GDAP2: variants seen among roughly 807,000 people sequenced by gnomAD.
The protein encoded by GDAP2 is ganglioside-induced differentiation-associated protein 2.
Under a neutral mutation model 67.0 loss-of-function variants are expected in GDAP2, and 51 were observed. That is an observed-to-expected ratio of 0.76 (90% CI 0.61 to 0.96). GDAP2 has a LOEUF of 0.96. GDAP2 is among the 40% of genes least tolerant of loss of function. GDAP2 has a pLI of 0.00. For missense variants in GDAP2, 547 were observed against 588.3 expected (o/e 0.93, Z 0.73); for synonymous variants, 203 against 207.3 (o/e 0.98, Z 0.18).
chr1:117,918,958 T>G (rs1017573748), intron 2 of GDAP2, among the ~76,000 whole-genome samples: 3 of 152,144 alleles, frequency 2.0e-5, no homozygotes, highest in African/African-American at 7.2e-5. Context: ...AAAACCACCA[T>G]GTTTAGAAAT....
chr1:117,877,471 T>C (rs1320085526), intron 13 of GDAP2: 1 of 973,888 alleles, frequency 1.0e-6, no homozygotes, highest in Non-Finnish European at 1.2e-6. Flanking sequence ...AATTCACGAG[T>C]AGTCCTGTGA....
At chr1:117,927,374 ACT>A (rs1650487808) in intron 1 of GDAP2, among the ~76,000 whole-genome samples, 1 of 152,190 alleles carries the variant, frequency 6.6e-6, no homozygotes, top group South Asian at 2.1e-4. Flanking sequence ...CTCAAAAAAA[ACT>A]TTTTTTCTGG....
chr1:117,882,046 G>A (rs1648666578), intron 11 of GDAP2, among the ~76,000 whole-genome samples, 169 bp from the exon 12 acceptor site: 1 of 152,074 alleles, frequency 6.6e-6, no homozygotes, highest in South Asian at 2.1e-4. Context: ...AAACAATTCA[G>A]AGAACATTCC....
At chr1:117,920,578 A>G (rs1650217293) in intron 1 of GDAP2, among the ~76,000 whole-genome samples, 154 bp from the exon 2 acceptor site, 2 of 152,208 alleles carry the variant, frequency 1.3e-5, no homozygotes, top group East Asian at 1.9e-4. Flanking sequence ...AATGGACAAC[A>G]AAGAATTGCT....
intron 5 of GDAP2, among the ~76,000 whole-genome samples, chr1:117,909,612 A>T (rs74113087): frequency 0.056 from 8,568 of 152,186 alleles, 586 homozygotes; most frequent in African/African-American, 0.16. Flanking sequence ...CTTCTGTGTA[A>T]GTGTTTGAAT....
At chr1:117,900,935 CTGTAGTCCCAGCTACT>C (rs887395976) in intron 6 of GDAP2, among the ~76,000 whole-genome samples, 30 of 152,192 alleles carry the variant, frequency 2.0e-4, no homozygotes, top group Admixed American at 9.8e-4. Context: ...TAGCGGGTGC[CTGTAGTCCCAGCTACT>C]TGGGAGGCTG....
chr1:117,891,046 T>C (rs1649063231), intron 8 of GDAP2, among the ~76,000 whole-genome samples: 3 of 151,658 alleles, frequency 2.0e-5, no homozygotes, highest in Non-Finnish European at 4.4e-5. Flanking sequence ...GTAAGTACGA[T>C]ACAAATATTT....
chr1:117,886,883 A>C (rs1648875711), intron 9 of GDAP2, among the ~76,000 whole-genome samples: 1 of 152,174 alleles, frequency 6.6e-6, no homozygotes, highest in Non-Finnish European at 1.5e-5. Context: ...AGACCTCTTA[A>C]AGATTTTAAA....
chr1:117,870,402 T>G lies in GDAP2; in HGVS notation c.*167A>C. On this transcript the variant is annotated 3_prime_UTR_variant, in exon 14 of 14. Transcript: ENST00000369443. ...GCAGTTCAGAATGGCCTACCATTTT[T>G]AGATTGCTTATGTGCCAGAAAATAT... 4 of 606,704 alleles carry G rather than the reference T, an allele frequency of 6.6e-6. No individual in the cohort carries two copies. The allele number at this position is 606,704 out of a possible 1,614,324, so 37.6% of individuals were successfully genotyped here.
At chr1:117,898,503 T>C (rs1649336148) in intron 7 of GDAP2, among the ~76,000 whole-genome samples, 1 of 152,186 alleles carries the variant, frequency 6.6e-6, no homozygotes, top group South Asian at 2.1e-4. Context: ...GTCCCAGCAC[T>C]GAAGCTTGTG....
In GDAP2 at chr1:117,877,914, A is replaced by G. The variant is rs550468508; in HGVS notation, c.1446+95T>C. On this transcript the variant is annotated intron_variant, in intron 13 of 13. Coordinates refer to ENST00000369443, the MANE Select transcript of GDAP2 (RefSeq NM_017686.4). ...TTAAGACTCACTAATTTACATTAAT[A>G]TCTGGTAATGACAGGATGTTGTGCT... The G allele has an allele frequency of 4.2e-6, 6 of 1,426,434 alleles. No homozygotes were observed. The South Asian group carries it at 1.1e-4, about 25-fold the overall frequency. The allele number at this position is 1,426,434 out of a possible 1,614,324, so 88.4% of individuals were successfully genotyped here.
At chr1:117,922,627 C>A (rs1650296760) in intron 1 of GDAP2, among the ~76,000 whole-genome samples, 1 of 152,116 alleles carries the variant, frequency 6.6e-6, no homozygotes, top group African/African-American at 2.4e-5. Context: ...CCATGATGCC[C>A]CCCAAGCCAC....
chr1:117,906,398 T>C, intron 6 of GDAP2, 108 bp downstream of exon 6: 1 of 663,692 alleles, frequency 1.5e-6, no homozygotes, highest in Non-Finnish European at 2.7e-6. Context: ...CATACATAGA[T>C]CATTAGGATT....
intron 10 of GDAP2, 79 bp from the exon 11 acceptor site, chr1:117,883,706 CA>C: frequency 9.8e-7 from 1 of 1,023,928 alleles, no homozygotes; most frequent in Non-Finnish European, 1.4e-6. Flanking sequence ...AAAAACAAAA[CA>C]AAACAAAATA....
chr1:117,872,375 A>G lies in GDAP2; in HGVS notation c.1447-1759T>C, dbSNP rs561734125. On this transcript the variant is annotated intron_variant, in intron 13 of 13. Coordinates refer to ENST00000369443, the MANE Select transcript of GDAP2 (RefSeq NM_017686.4). ...AAAGGAATATAAACCATTCTATTAT[A>G]AAGATACATGCACATGTATGTTTAC... Among the ~76,000 whole-genome samples the G allele has an allele frequency of 1.7e-3, 252 of 152,338 alleles. 2 individuals are homozygous for G. The Middle Eastern group carries it at 0.041, about 25-fold the overall frequency.
chr1:117,895,877 C>A (rs754122227), intron 8 of GDAP2, among the ~76,000 whole-genome samples: 1 of 152,038 alleles, frequency 6.6e-6, no homozygotes, highest in Non-Finnish European at 1.5e-5. Flanking sequence ...TACAATACAG[C>A]GTGAAAAATG....
intron 8 of GDAP2, among the ~76,000 whole-genome samples, chr1:117,896,241 T>G (rs920390770): frequency 3.9e-5 from 6 of 152,210 alleles, no homozygotes; most frequent in African/African-American, 1.4e-4. Context: ...TTGTTTACTT[T>G]AATTTTCTTT....
chr1:117,881,754 ATTATC>A, intron 12 of GDAP2, 64 bp downstream of exon 12: 1 of 824,070 alleles, frequency 1.2e-6, no homozygotes, highest in Non-Finnish European at 2.1e-6. Context: ...TTGCTGAGCT[ATTATC>A]TTAATACTCT....
Position 117,881,898 on chromosome 1 carries a change from C to CA in GDAP2, c.1248-22dup, listed in dbSNP as rs199732546. 11,189 of 1,392,438 alleles carry CA rather than the reference C, an allele frequency of 8.0e-3. 68 individuals are homozygous for CA. Among genetic ancestry groups the CA allele is most frequent in the Middle Eastern group, 0.012 (66 of 5,500 alleles). 86.3% of individuals were successfully genotyped at this position (1,392,438 alleles called of 1,614,324 possible). ...TGTACCTGATCCAAAAATAAAATGA[C>CA]AAAAAAAATCAGTATAAGTTCATGC... On this transcript the variant is annotated intron_variant, in intron 11 of 13. Coordinates refer to ENST00000369443, the MANE Select transcript of GDAP2 (RefSeq NM_017686.4).
Sources: allele counts gnomAD v4.1 joint callset (sites outside exome capture counted in the v4.1 genomes callset), GRCh38; gene constraint gnomAD v4.1.1; transcripts MANE v1.5; gene names NCBI Gene and HGNC (gene_info 2026-07-23, HGNC 2026-07-21).